The following GPR157 variants were observed in gnomAD, a reference collection of about 807,000 sequenced individuals.
GPR157 encodes G protein-coupled receptor 157.
GPR157 carries 16 observed loss-of-function variants against 23.5 expected under a neutral mutation model. The ratio of observed to expected loss-of-function variants is 0.68; its 90% CI spans 0.46 to 1.04. The LOEUF is 1.04. Ranked by LOEUF, GPR157 falls within the 50% of genes least tolerant of loss-of-function variation. GPR157 has a pLI of 0.00. For synonymous variants in GPR157, 200 were observed against 221.5 expected, an observed-to-expected ratio of 0.90 and a Z score of 0.86; for missense variants, 440 against 460.7, an observed-to-expected ratio of 0.96 and a Z score of 0.41.
In GPR157 at chr1:9,104,279, C is replaced by T. The variant is rs1642606690; in HGVS notation, c.*140G>A. On this transcript the variant is annotated 3_prime_UTR_variant, in exon 4 of 4. Coordinates refer to ENST00000377411, the MANE Select transcript of GPR157 (RefSeq NM_024980.5). ...AGAAGAAGCTGAGTTGGCAGCTGCT[C>T]TCCCAATGGAGCCGAGAGCATCAAT... The T allele has an allele frequency of 1.5e-6, 1 of 647,104 alleles. No homozygotes were observed. The allele number at this position is 647,104 out of a possible 1,614,324, so 40.1% of individuals were successfully genotyped here.
In GPR157 at chr1:9,106,446, G is replaced by A. The variant is rs1344864528; in HGVS notation, c.598-766C>T. Among the ~76,000 whole-genome samples, 7 of 152,132 alleles carry A rather than the reference G, an allele frequency of 4.6e-5. No individual in the cohort carries two copies. The South Asian group carries it at 6.2e-4, about 13-fold the overall frequency. ...GCTCCCCACTCCACATGCTCCTTAC[G>A]GTCGCAGCGGGGCCAACCCTTATGG... is the stretch of plus-strand genomic sequence containing the variant. On this transcript the variant is annotated intron_variant, in intron 2 of 3. Coordinates refer to ENST00000377411, the MANE Select transcript of GPR157 (RefSeq NM_024980.5).
chr1:9,128,547 G>T lies in GPR157; in HGVS notation c.383+98C>A. The T allele has an allele frequency of 1.7e-6, 2 of 1,151,490 alleles. No individual in the cohort carries two copies. Among genetic ancestry groups the T allele is most frequent in the Non-Finnish European group, 2.5e-6 (2 of 788,096 alleles). 71.3% of individuals were successfully genotyped at this position (1,151,490 alleles called of 1,614,324 possible). On this transcript the variant is annotated intron_variant, in intron 1 of 3. Coordinates refer to ENST00000377411, the MANE Select transcript of GPR157 (RefSeq NM_024980.5). The surrounding 1 kb of genome is among the most constrained non-coding windows in gnomAD (Gnocchi z 6.3). Reference sequence around the variant, plus strand: ...CAGCAGGCACTGCTTGCTGTGGGTAGGGGGTGTCCAACCTAGACGCGGCCT... The same window carrying T: ...CAGCAGGCACTGCTTGCTGTGGGTATGGGGTGTCCAACCTAGACGCGGCCT...
chr1:9,127,293 T>C (rs952763025), intron 1 of GPR157, among the ~76,000 whole-genome samples: 2 of 152,076 alleles, frequency 1.3e-5, no homozygotes, highest in Non-Finnish European at 2.9e-5. Flanking sequence ...ATCCTTCTTT[T>C]CCACAGAAGC....
chr1:9,109,239 C>A (rs979823347), intron 2 of GPR157, among the ~76,000 whole-genome samples: 2 of 151,808 alleles, frequency 1.3e-5, no homozygotes, highest in Non-Finnish European at 2.9e-5. Flanking sequence ...CCTGCCACCA[C>A]GCCCAGCTAA....
chr1:9,116,363 A>ATATATAT (rs1557698249), intron 1 of GPR157, among the ~76,000 whole-genome samples: 1 of 76,360 alleles, frequency 1.3e-5, no homozygotes, highest in Non-Finnish European at 2.3e-5. Flanking sequence ...TATATAAATT[A>ATATATAT]TATATATATA....
Position 9,120,605 on chromosome 1 carries a change from G to C in GPR157, c.383+8040C>G, listed in dbSNP as rs1401093851. 6.6e-6 allele frequency among the ~76,000 whole-genome samples: 1 copy of C among 152,156 alleles called. No individual in the cohort carries two copies. ...GGGTCAGGACTTGGGAGAAGTTCAG[G>C]GAGTCAGCCCCTAGGCCAGGCTACC... On this transcript the variant is annotated intron_variant, in intron 1 of 3. Transcript: ENST00000377411. The surrounding 1 kb of genome is among the most constrained non-coding windows in gnomAD (Gnocchi z 4.1).
chr1:9,125,806 A>G lies in GPR157; in HGVS notation c.383+2839T>C, dbSNP rs190019276. Among the ~76,000 whole-genome samples, 6 of 152,268 alleles carry G rather than the reference A, an allele frequency of 3.9e-5. No individual in the cohort carries two copies. In the East Asian group the frequency reaches 9.6e-4, roughly 24 times the overall value. ...CACCTTCGTACATACAGCTTTGTAC[A>G]TATTTTAGATTATCTCATTAGACTA... is the stretch of plus-strand genomic sequence containing the variant. On this transcript the variant is annotated intron_variant, in intron 1 of 3. Coordinates refer to ENST00000377411, the MANE Select transcript of GPR157 (RefSeq NM_024980.5).
At chr1:9,117,910 G>T (rs1224025948) in intron 1 of GPR157, among the ~76,000 whole-genome samples, 1 of 152,152 alleles carries the variant, frequency 6.6e-6, no homozygotes, top group African/African-American at 2.4e-5. Context: ...AGTAACACAG[G>T]GCTTAATAAC....
chr1:9,123,616 A>T (rs1469445498), intron 1 of GPR157, among the ~76,000 whole-genome samples: 6 of 108,140 alleles, frequency 5.5e-5, no homozygotes, highest in East Asian at 2.7e-4. Flanking sequence ...ATATATTTAA[A>T]ATTAAATATA....
In GPR157 at chr1:9,102,926, T is replaced by G. The variant is rs1227316968; in HGVS notation, c.*1493A>C. ...CCTTTTGAATCCTTTGTTTTTTTCT[T>G]TTTTTGAGACAGGGTCCTGCTGTTG... On this transcript the variant is annotated 3_prime_UTR_variant, in exon 4 of 4. Transcript: ENST00000377411. 6.6e-6 allele frequency: 1 copy of G among 152,116 alleles called. No homozygotes were observed. The highest frequency in any genetic ancestry group is 6.5e-5 in the Admixed American group (1 of 15,272). The allele number at this position is 152,116 out of a possible 1,614,324, so 9.4% of individuals were successfully genotyped here.
At chr1:9,107,038 G>A (rs911191114) in intron 2 of GPR157, among the ~76,000 whole-genome samples, 5 of 152,122 alleles carry the variant, frequency 3.3e-5, no homozygotes, top group Non-Finnish European at 7.4e-5. Context: ...CTCACGTTCC[G>A]CTTTTTATTT....
intron 1 of GPR157, among the ~76,000 whole-genome samples, chr1:9,115,836 T>G (rs996644179): frequency 6.6e-6 from 1 of 151,102 alleles, no homozygotes; most frequent in Non-Finnish European, 1.5e-5. Flanking sequence ...GCCCACAGTT[T>G]TTTTTTTTTT....
At position 9,105,341 on chromosome 1, in the gene GPR157, G is replaced by T. The variant is rs1638266163; in HGVS notation, c.792+145C>A. On this transcript the variant is annotated intron_variant, in intron 3 of 3. Transcript: ENST00000377411. This position sits in a 1 kb window ranked among gnomAD's most constrained non-coding sequence, Gnocchi z 4.8. Reference sequence around the variant, plus strand: ...TTCAAGGTCCTGTCTCAGGCAGAGAGGAAGGCACAGCACAGTGGGGCCGAG... The same window carrying T: ...TTCAAGGTCCTGTCTCAGGCAGAGATGAAGGCACAGCACAGTGGGGCCGAG... The T allele has an allele frequency of 1.4e-6, 1 of 691,962 alleles. No homozygotes were observed. The highest frequency in any genetic ancestry group is 2.8e-5 in the East Asian group (1 of 35,474). 42.9% of individuals were successfully genotyped at this position (691,962 alleles called of 1,614,324 possible). A position where few individuals can be genotyped will look rare whatever the true frequency, so the allele number is the denominator to read the frequency against.
Position 9,128,136 on chromosome 1 carries a change from C to T in GPR157, c.383+509G>A. ...ACGACCAAAGACAGAATAAAAAGCA[C>T]AGTCCTTTGTAAACTGTACAGCAGA... On this transcript the variant is annotated intron_variant, in intron 1 of 3. Coordinates refer to ENST00000377411, the MANE Select transcript of GPR157 (RefSeq NM_024980.5). This position sits in a 1 kb window ranked among gnomAD's most constrained non-coding sequence, Gnocchi z 6.3. 2.7e-6 allele frequency: 1 copy of T among 371,680 alleles called. No individual in the cohort carries two copies. Among genetic ancestry groups the T allele is most frequent in the Non-Finnish European group, 5.4e-6 (1 of 186,782 alleles). 23.0% of individuals were successfully genotyped at this position (371,680 alleles called of 1,614,324 possible).
In GPR157 at chr1:9,118,625, C is replaced by T. The variant is rs901330072; in HGVS notation, c.384-7136G>A. ...CCCTACAAATTTCATCTGTTGAAGT[C>T]CTAATCCCCAGAACCTCAGAATGTG... On this transcript the variant is annotated intron_variant, in intron 1 of 3. Transcript: ENST00000377411. The surrounding 1 kb of genome is among the most constrained non-coding windows in gnomAD (Gnocchi z 4.6). Among the ~76,000 whole-genome samples the T allele has an allele frequency of 1.3e-5, 2 of 152,148 alleles. No individual in the cohort carries two copies. The highest frequency in any genetic ancestry group is 6.5e-5 in the Admixed American group (1 of 15,268).
chr1:9,122,543 G>A (rs1008908844), intron 1 of GPR157, among the ~76,000 whole-genome samples: 1 of 152,156 alleles, frequency 6.6e-6, no homozygotes, highest in Non-Finnish European at 1.5e-5. Context: ...AGTGATGAGA[G>A]TTAACATCAC....
intron 1 of GPR157, among the ~76,000 whole-genome samples, chr1:9,113,075 GAACA>G (rs1638549714): frequency 6.6e-6 from 1 of 152,162 alleles, no homozygotes; most frequent in African/African-American, 2.4e-5. Flanking sequence ...GTCGTTATGA[GAACA>G]AATACATGTG....
chr1:9,102,972 G>T lies in GPR157; in HGVS notation c.*1447C>A, dbSNP rs1255884893. The T allele has an allele frequency of 6.7e-6, 1 of 149,212 alleles. No homozygotes were observed. The highest frequency in any genetic ancestry group is 1.5e-5 in the Non-Finnish European group (1 of 67,420). The allele number at this position is 149,212 out of a possible 1,614,324, so 9.2% of individuals were successfully genotyped here. A position where few individuals can be genotyped will look rare whatever the true frequency, so the allele number is the denominator to read the frequency against. ...TGTTGCCCAGGCTGGAGTGGCAGTG[G>T]TGCCATCCCAGTTCAATGAAGCCTC... On this transcript the variant is annotated 3_prime_UTR_variant, in exon 4 of 4. Transcript: ENST00000377411.
Position 9,118,169 on chromosome 1 carries a change from T to C in GPR157, c.384-6680A>G, listed in dbSNP as rs565771488. Among the ~76,000 whole-genome samples, 1 of 152,182 alleles carries C rather than the reference T, an allele frequency of 6.6e-6. No individual in the cohort carries two copies. Among genetic ancestry groups the C allele is most frequent in the South Asian group, 2.1e-4 (1 of 4,826 alleles). On this transcript the variant is annotated intron_variant, in intron 1 of 3. Transcript: ENST00000377411. This position sits in a 1 kb window ranked among gnomAD's most constrained non-coding sequence, Gnocchi z 4.6. Reference sequence around the variant, plus strand: ...GAGCTATCCTCAAATGGTTAAAAAGTCTTGAAGAGGACCTGGTGGTGGAGA... The same window carrying C: ...GAGCTATCCTCAAATGGTTAAAAAGCCTTGAAGAGGACCTGGTGGTGGAGA...
Sources: gnomAD v4.1 joint callset for allele counts (sites outside exome capture counted in the v4.1 genomes callset) on GRCh38, gnomAD v4.1.1 for gene constraint, Gnocchi (gnomAD v3.1) non-coding constraint, MANE v1.5 for transcripts, NCBI Gene and HGNC (gene_info 2026-07-23, HGNC 2026-07-21) for gene names.